GLIS3: variants seen among roughly 807,000 people sequenced by gnomAD.
The protein encoded by GLIS3 is zinc finger protein GLIS3.
Under a neutral mutation model 78.6 loss-of-function variants are expected in GLIS3, and 53 were observed. The observed-to-expected ratio is 0.67, with a 90% CI of 0.54 to 0.85. GLIS3 has a LOEUF of 0.85. GLIS3 is among the 40% of genes least tolerant of loss of function. The pLI is 0.00. For synonymous variants in GLIS3, 684 were observed against 509.9 expected, an observed-to-expected ratio of 1.34 and a Z score of -4.60; for missense variants, 1,703 against 1,231.1, an observed-to-expected ratio of 1.38 and a Z score of -5.74.
At chr9:4,180,876 G>T (rs2131170803) in intron 2 of GLIS3, among the ~76,000 whole-genome samples, 1 of 152,282 alleles carries the variant, frequency 6.6e-6, no homozygotes, top group South Asian at 2.1e-4. Context: ...CACAGGTGCT[G>T]GTCCCAAGTA....
chr9:4,476,954 C>T, the GLIS3 span, among the ~76,000 whole-genome samples: 1 of 152,094 alleles, frequency 6.6e-6, no homozygotes, highest in Non-Finnish European at 1.5e-5. Context: ...AACCCTTGTT[C>T]ATTGCTGGTG....
intron 2 of GLIS3, among the ~76,000 whole-genome samples, chr9:4,208,698 T>C (rs191153173): frequency 2.6e-5 from 4 of 152,296 alleles, no homozygotes; most frequent in African/African-American, 9.6e-5. Flanking sequence ...CCCTGGATGG[T>C]TGCTAGCGTT....
chr9:4,058,838 C>T (rs541339881), intron 4 of GLIS3, among the ~76,000 whole-genome samples: 3 of 151,870 alleles, frequency 2.0e-5, no homozygotes, highest in Admixed American at 6.6e-5. Context: ...AAAAATTAGC[C>T]GGGTTTGGTG....
At chr9:4,298,043 C>T (rs1014172012) in intron 1 of GLIS3, among the ~76,000 whole-genome samples, 1 of 152,140 alleles carries the variant, frequency 6.6e-6, no homozygotes, top group Non-Finnish European at 1.5e-5. Flanking sequence ...GCCCCGTGCG[C>T]GAGCGAGCGA....
chr9:4,221,695 G>C (rs61493063), intron 2 of GLIS3, among the ~76,000 whole-genome samples: 33,901 of 152,100 alleles, frequency 0.22, 4,936 homozygotes, highest in South Asian at 0.51. Flanking sequence ...TACCAGAAGA[G>C]AAAGGGGCAA....
the GLIS3 span, among the ~76,000 whole-genome samples, chr9:4,401,861 T>C: frequency 6.6e-6 from 1 of 152,154 alleles, no homozygotes; most frequent in Non-Finnish European, 1.5e-5. Context: ...AGAACCCCTG[T>C]GGACCAGTGG....
At chr9:3,854,142 C>T (rs996605665) in intron 9 of GLIS3, among the ~76,000 whole-genome samples, 1 of 152,172 alleles carries the variant, frequency 6.6e-6, no homozygotes, top group Admixed American at 6.5e-5. Flanking sequence ...GCACAGGGGA[C>T]CTGGTTCTCT....
chr9:4,341,359 C>T (rs1005881860), intron 2 of GLIS3, among the ~76,000 whole-genome samples: 5 of 152,248 alleles, frequency 3.3e-5, no homozygotes, highest in African/African-American at 1.2e-4. Context: ...CAACATCTGA[C>T]CCTGTTCAAA....
intron 4 of GLIS3, among the ~76,000 whole-genome samples, chr9:4,092,836 G>C (rs928285829): frequency 1.3e-5 from 2 of 152,150 alleles, no homozygotes; most frequent in East Asian, 3.8e-4. Context: ...ACATAAAACA[G>C]CAACACAGAT....
chr9:3,956,621 A>C (rs962169764), intron 4 of GLIS3, among the ~76,000 whole-genome samples: 1 of 152,034 alleles, frequency 6.6e-6, no homozygotes, highest in Non-Finnish European at 1.5e-5. Flanking sequence ...CGTTGCATGG[A>C]GGGTTTTTTT....
upstream of GLIS3, among the ~76,000 whole-genome samples, chr9:4,350,382 A>T (rs890727923): frequency 3.3e-5 from 5 of 152,188 alleles, no homozygotes; most frequent in South Asian, 1.0e-3. Flanking sequence ...TTTGACTTAA[A>T]ATTTATATTT....
In GLIS3 at chr9:4,286,285, C is replaced by G. The variant is rs201142941; in HGVS notation, c.141G>C (p.Ser47=). Reference sequence around the variant, plus strand: ...TAGCAAGGCTTGCCATAGTGGGACTCGATGTGCTGCCACAGGGCGAGGGGC... The same window carrying G: ...TAGCAAGGCTTGCCATAGTGGGACTGGATGTGCTGCCACAGGGCGAGGGGC... ...TPGPSPCGST[S]SPTMASLANN... The change falls in exon 2 of 11, where the codon TCG becomes TCC. Residue 47 remains serine (S), a synonymous_variant. Transcript: ENST00000381971. The G allele has an allele frequency of 6.2e-7, 1 of 1,614,192 alleles. No homozygotes were observed. Among genetic ancestry groups the G allele is most frequent in the East Asian group, 2.2e-5 (1 of 44,874 alleles).
At chr9:3,945,839 G>C (rs775911396) in intron 4 of GLIS3, among the ~76,000 whole-genome samples, 8 of 152,106 alleles carry the variant, frequency 5.3e-5, no homozygotes, top group Non-Finnish European at 1.2e-4. Flanking sequence ...AAAAAAAACA[G>C]AGAGAAAGAG....
the GLIS3 span, among the ~76,000 whole-genome samples, chr9:4,424,372 C>T: frequency 6.6e-6 from 1 of 152,180 alleles, no homozygotes; most frequent in Non-Finnish European, 1.5e-5. Flanking sequence ...AAGCTGTAAA[C>T]CACTATGAAT....
At chr9:4,391,360 TA>T in the GLIS3 span, among the ~76,000 whole-genome samples, 1 of 152,190 alleles carries the variant, frequency 6.6e-6, no homozygotes, top group East Asian at 1.9e-4. Flanking sequence ...CTAGTCTATA[TA>T]GGGGGTGTGT....
chr9:4,313,316 T>G (rs914733272), intron 2 of GLIS3, among the ~76,000 whole-genome samples: 3 of 152,176 alleles, frequency 2.0e-5, no homozygotes, highest in Non-Finnish European at 2.9e-5. Flanking sequence ...CTGTCTTCTT[T>G]CTCAGCCATT....
chr9:3,892,032 A>G (rs1183813093), intron 7 of GLIS3, among the ~76,000 whole-genome samples: 1 of 152,198 alleles, frequency 6.6e-6, no homozygotes, highest in African/African-American at 2.4e-5. Flanking sequence ...TCCCCAAGGA[A>G]AAGGTTCCAG....
At chr9:4,323,304 T>C (rs1484466399) in intron 2 of GLIS3, among the ~76,000 whole-genome samples, 1 of 152,150 alleles carries the variant, frequency 6.6e-6, no homozygotes, top group East Asian at 1.9e-4. Context: ...CAAAGTGCTG[T>C]TTTATCACAT....
chr9:4,228,487 T>C (rs1219536350), intron 2 of GLIS3, among the ~76,000 whole-genome samples: 1 of 152,188 alleles, frequency 6.6e-6, no homozygotes, highest in African/African-American at 2.4e-5. Flanking sequence ...AAAGATCTAC[T>C]TTGTATATAA....
Sources: gnomAD v4.1 joint callset for allele counts (sites outside exome capture counted in the v4.1 genomes callset) on GRCh38, gnomAD v4.1.1 for gene constraint, MANE v1.5 for transcripts, NCBI Gene and HGNC (gene_info 2026-07-23, HGNC 2026-07-21) for gene names.